Variants in CCDC192 observed in about 807,000 individuals in gnomAD.
CCDC192 encodes coiled-coil domain-containing protein 192.
rs1750663468 is a variant in CCDC192 at position 127,848,562 on chromosome 5, G to T, written c.412-26976G>T. ...CTTCAGGGATTCAAAACCCATCTCTGCCACTTACTAGATGTGACTTCTCAC... is the reference window on the plus strand; with the variant it reads ...CTTCAGGGATTCAAAACCCATCTCTTCCACTTACTAGATGTGACTTCTCAC... On this transcript the variant is annotated intron_variant, in intron 5 of 6. Coordinates refer to ENST00000514853, the MANE Select transcript of CCDC192 (RefSeq NM_001317938.2). Among the ~76,000 whole-genome samples, 6 of 152,124 alleles carry T rather than the reference G, an allele frequency of 3.9e-5. No homozygotes were observed. The South Asian group carries it at 1.2e-3, about 32-fold the overall frequency.
chr5:127,884,440 C>T (rs867784683), intron 6 of CCDC192, among the ~76,000 whole-genome samples: 3 of 144,094 alleles, frequency 2.1e-5, no homozygotes, highest in Admixed American at 7.0e-5. Context: ...ACCATATATT[C>T]TTTTTTTTCC....
Position 127,767,582 on chromosome 5 carries a change from G to C in CCDC192, c.222+13207G>C, listed in dbSNP as rs563076480. Among the ~76,000 whole-genome samples, 6 of 152,008 alleles carry C rather than the reference G, an allele frequency of 3.9e-5. No individual in the cohort carries two copies. In the East Asian group the frequency reaches 1.2e-3, roughly 29 times the overall value. On this transcript the variant is annotated intron_variant, in intron 3 of 6. Coordinates refer to ENST00000514853, the MANE Select transcript of CCDC192 (RefSeq NM_001317938.2). ...CCTTTAATGATTGCCCTTTATATCC[G>C]AGTCAATGATTGATCACCTCATCTT...
At chr5:127,897,619 G>T (rs1752929887) in intron 6 of CCDC192, among the ~76,000 whole-genome samples, 1 of 152,240 alleles carries the variant, frequency 6.6e-6, no homozygotes, top group African/African-American at 2.4e-5. Flanking sequence ...ATGGAATAAT[G>T]CAATTTTAGA....
At chr5:127,778,549 A>G (rs888869424) in intron 3 of CCDC192, among the ~76,000 whole-genome samples, 1 of 152,188 alleles carries the variant, frequency 6.6e-6, no homozygotes, top group African/African-American at 2.4e-5. Context: ...ATCTATATTC[A>G]TAAAGGATAT....
At chr5:127,855,427 C>T (rs987078237) in intron 5 of CCDC192, among the ~76,000 whole-genome samples, 6 of 152,196 alleles carry the variant, frequency 3.9e-5, no homozygotes, top group Non-Finnish European at 8.8e-5. Flanking sequence ...ACTTGCACCA[C>T]ATCTGCAGTT....
intron 2 of CCDC192, among the ~76,000 whole-genome samples, chr5:127,719,538 T>C (rs1213743): frequency 0.53 from 44,234 of 83,588 alleles, 9,005 homozygotes; most frequent in East Asian, 0.68. Context: ...CACATACATA[T>C]ATATATATAT....
chr5:127,767,273 A>T (rs1199829951), intron 3 of CCDC192, among the ~76,000 whole-genome samples: 1 of 152,170 alleles, frequency 6.6e-6, no homozygotes, highest in Non-Finnish European at 1.5e-5. Flanking sequence ...TTCTGGTGGG[A>T]CGAGAAAGGG....
At chr5:127,754,456 C>T (rs962754411) in intron 3 of CCDC192, 81 bp downstream of exon 3, 1 of 366,948 alleles carries the variant, frequency 2.7e-6, no homozygotes, top group Non-Finnish European at 4.8e-6. Flanking sequence ...CACGTTTTAA[C>T]CTCTCCCTCT....
At chr5:127,841,753 A>G (rs2127064932) in intron 5 of CCDC192, among the ~76,000 whole-genome samples, 1 of 152,292 alleles carries the variant, frequency 6.6e-6, no homozygotes, top group East Asian at 1.9e-4. Context: ...CATGGTCATG[A>G]GCCATGACCC....
chr5:127,798,638 T>C (rs968702766), intron 5 of CCDC192, among the ~76,000 whole-genome samples: 3 of 152,092 alleles, frequency 2.0e-5, no homozygotes, highest in Non-Finnish European at 4.4e-5. Context: ...CACTTTTTGG[T>C]GATTCTAGAC....
chr5:127,779,682 A>G (rs1456732438), intron 3 of CCDC192, among the ~76,000 whole-genome samples: 1 of 152,164 alleles, frequency 6.6e-6, no homozygotes, highest in Non-Finnish European at 1.5e-5. Context: ...ACTGATGTTC[A>G]AGTAGTAACT....
chr5:127,758,866 A>G (rs1455416149), intron 3 of CCDC192, among the ~76,000 whole-genome samples: 1 of 152,248 alleles, frequency 6.6e-6, no homozygotes, highest in African/African-American at 2.4e-5. Context: ...GTTTATGACC[A>G]TACACAAGCA....
Position 127,881,253 on chromosome 5 carries a change from G to T in CCDC192, c.535+5592G>T, listed in dbSNP as rs549598312. 2.0e-5 allele frequency among the ~76,000 whole-genome samples: 3 copies of T among 152,204 alleles called. No homozygotes were observed. In the East Asian group the frequency reaches 5.8e-4, roughly 29 times the overall value. On this transcript the variant is annotated intron_variant, in intron 6 of 6. Coordinates refer to ENST00000514853, the MANE Select transcript of CCDC192 (RefSeq NM_001317938.2). ...ACCTACTCTGAAGGCTTGCTTTGTTGTAACAATTATATGGCAAGAAGGGGA... is the reference window on the plus strand; with the variant it reads ...ACCTACTCTGAAGGCTTGCTTTGTTTTAACAATTATATGGCAAGAAGGGGA...
chr5:127,725,940 T>C (rs148030040), intron 2 of CCDC192, among the ~76,000 whole-genome samples: 7 of 152,318 alleles, frequency 4.6e-5, no homozygotes, highest in African/African-American at 1.7e-4. Context: ...ATTGTATTTG[T>C]CTTTCTAGTA....
chr5:127,921,344 T>G (rs1580829397), intron 6 of CCDC192, among the ~76,000 whole-genome samples: 1 of 132,026 alleles, frequency 7.6e-6, no homozygotes, highest in African/African-American at 3.3e-5. Context: ...GTATACTAAA[T>G]AAACCACTCC....
intron 2 of CCDC192, among the ~76,000 whole-genome samples, chr5:127,732,552 A>G (rs987152624): frequency 6.6e-6 from 1 of 152,344 alleles, no homozygotes; most frequent in African/African-American, 2.4e-5. Context: ...GCATATGTTC[A>G]TTGCAGCACT....
chr5:127,720,828 G>C (rs556621510), intron 2 of CCDC192, among the ~76,000 whole-genome samples: 2 of 152,298 alleles, frequency 1.3e-5, no homozygotes, highest in South Asian at 4.1e-4. Context: ...GAAACAACAG[G>C]CTGAGCTGTA....
chr5:127,847,969 GTA>G (rs1750636326), intron 5 of CCDC192, among the ~76,000 whole-genome samples: 2 of 151,974 alleles, frequency 1.3e-5, no homozygotes, highest in Non-Finnish European at 2.9e-5. Flanking sequence ...GCTAATTTTT[GTA>G]TTTTCAGTAG....
intron 5 of CCDC192, among the ~76,000 whole-genome samples, chr5:127,818,541 C>T (rs1749136372): frequency 6.6e-6 from 1 of 152,102 alleles, no homozygotes; most frequent in Admixed American, 6.6e-5. Flanking sequence ...ATAGAGACCC[C>T]ATACATAGGT....
Sources: allele counts gnomAD v4.1 joint callset (sites outside exome capture counted in the v4.1 genomes callset), GRCh38; gene constraint gnomAD v4.1.1; transcripts MANE v1.5; gene names NCBI Gene and HGNC (gene_info 2026-07-23, HGNC 2026-07-21).